The following PCSK2 variants were observed in gnomAD, a reference collection of about 807,000 sequenced individuals.
The protein encoded by PCSK2 is proprotein convertase subtilisin/kexin type 2, also known as neuroendocrine convertase 2.
Under a neutral mutation model 69.7 loss-of-function variants are expected in PCSK2, and 14 were observed. The ratio of observed to expected loss-of-function variants is 0.20; its 90% CI spans 0.13 to 0.31. The LOEUF is 0.31. Ranked by LOEUF, PCSK2 falls within the 10% of genes least tolerant of loss-of-function variation. The probability of loss-of-function intolerance (pLI) is 1.00; values close to 1 mark genes in which losing one functional copy is unlikely to be tolerated. For missense variants in PCSK2, 544 were observed against 842.5 expected (o/e 0.65, Z 4.39); for synonymous variants, 307 against 320.7 (o/e 0.96, Z 0.46).
chr20:17,265,321 C>A (rs1987554962), intron 2 of PCSK2, among the ~76,000 whole-genome samples: 1 of 152,226 alleles, frequency 6.6e-6, no homozygotes, highest in African/African-American at 2.4e-5. Flanking sequence ...GTTTTAGTGC[C>A]TTTTTAAGGG....
At chr20:17,330,861 C>T (rs1164634714) in intron 2 of PCSK2, among the ~76,000 whole-genome samples, 1 of 152,112 alleles carries the variant, frequency 6.6e-6, no homozygotes, top group African/African-American at 2.4e-5. Context: ...GAGAGCACAT[C>T]TTCCTACTCC....
chr20:17,329,530 A>G (rs1377774810), intron 2 of PCSK2, among the ~76,000 whole-genome samples: 1 of 152,244 alleles, frequency 6.6e-6, no homozygotes, highest in Non-Finnish European at 1.5e-5. Context: ...TTTGTCTAAT[A>G]TTTAAACTGA....
At chr20:17,269,584 T>G (rs1297226512) in intron 2 of PCSK2, among the ~76,000 whole-genome samples, 1 of 152,150 alleles carries the variant, frequency 6.6e-6, no homozygotes, top group Non-Finnish European at 1.5e-5. Context: ...CACATGAACT[T>G]ATGAAATTAA....
intron 1 of PCSK2, among the ~76,000 whole-genome samples, chr20:17,259,044 A>G (rs1242078843): frequency 6.6e-6 from 1 of 151,950 alleles, no homozygotes; most frequent in East Asian, 1.9e-4. Context: ...GAAATATTTG[A>G]GCCACACTGA....
intron 2 of PCSK2, among the ~76,000 whole-genome samples, chr20:17,280,032 C>T (rs751550008): frequency 5.3e-5 from 8 of 149,880 alleles, no homozygotes; most frequent in Non-Finnish European, 7.4e-5. Flanking sequence ...AGCTTATATC[C>T]TCCGCAGAAG....
chr20:17,323,886 C>T (rs1001873652), intron 2 of PCSK2, among the ~76,000 whole-genome samples: 1 of 152,238 alleles, frequency 6.6e-6, no homozygotes, highest in Non-Finnish European at 1.5e-5. Context: ...TGATTTCCAA[C>T]TGCCAATACC....
intron 7 of PCSK2, among the ~76,000 whole-genome samples, chr20:17,436,045 G>A (rs922941739): frequency 6.6e-6 from 1 of 152,190 alleles, no homozygotes; most frequent in Non-Finnish European, 1.5e-5. Context: ...TCACTCCCAC[G>A]AGGCATCAGA....
At chr20:17,321,858 CAG>C (rs1989878616) in intron 2 of PCSK2, among the ~76,000 whole-genome samples, 1 of 152,070 alleles carries the variant, frequency 6.6e-6, no homozygotes, top group South Asian at 2.1e-4. Flanking sequence ...TCAGACAAAA[CAG>C]AGAGACAGAA....
chr20:17,354,862 T>C (rs1188346175), intron 2 of PCSK2, among the ~76,000 whole-genome samples: 2 of 151,842 alleles, frequency 1.3e-5, no homozygotes, highest in African/African-American at 4.8e-5. Context: ...CCCAGAACAA[T>C]AAACATGATT....
intron 2 of PCSK2, among the ~76,000 whole-genome samples, chr20:17,310,863 G>A (rs537611417): frequency 2.6e-5 from 4 of 151,818 alleles, no homozygotes; most frequent in South Asian, 2.1e-4. Context: ...TATTACGGGC[G>A]TGGTGGCACA....
chr20:17,421,666 C>T (rs1028147308), intron 6 of PCSK2, among the ~76,000 whole-genome samples: 1 of 152,022 alleles, frequency 6.6e-6, no homozygotes, highest in Non-Finnish European at 1.5e-5. Context: ...TGCACACTGG[C>T]TTGCTGACTA....
chr20:17,452,919 T>C (rs1476259604), intron 8 of PCSK2, among the ~76,000 whole-genome samples: 1 of 152,258 alleles, frequency 6.6e-6, no homozygotes, highest in Non-Finnish European at 1.5e-5. Context: ...TGTAGGGACT[T>C]ATGCAAAGTT....
At chr20:17,452,889 A>C (rs879411614) in intron 8 of PCSK2, among the ~76,000 whole-genome samples, 1 of 152,254 alleles carries the variant, frequency 6.6e-6, no homozygotes, top group African/African-American at 2.4e-5. Flanking sequence ...ACATGGTTTG[A>C]GGAGAAGAGC....
intron 4 of PCSK2, among the ~76,000 whole-genome samples, chr20:17,368,438 C>A (rs899664502): frequency 6.6e-6 from 1 of 152,156 alleles, no homozygotes; most frequent in Non-Finnish European, 1.5e-5. Context: ...ACGTTTGTAA[C>A]CATTATGCTA....
intron 5 of PCSK2, among the ~76,000 whole-genome samples, chr20:17,372,183 T>C (rs1158044230): frequency 6.6e-6 from 1 of 151,930 alleles, no homozygotes; most frequent in Non-Finnish European, 1.5e-5. Flanking sequence ...ATTGAGACCA[T>C]ACTGGCTAAC....
chr20:17,372,344 A>G (rs1001967768), intron 5 of PCSK2, among the ~76,000 whole-genome samples: 9 of 151,858 alleles, frequency 5.9e-5, no homozygotes, highest in Admixed American at 3.9e-4. Flanking sequence ...GCACCACTGC[A>G]CTCCAGCCTG....
At chr20:17,436,940 G>A in intron 8 of PCSK2, 57 bp downstream of exon 8, 6 of 1,456,284 alleles carry the variant, frequency 4.1e-6, no homozygotes, top group Non-Finnish European at 4.6e-6. Flanking sequence ...AAAGTGGGTG[G>A]AGGGGTAGAT....
chr20:17,228,573 C>T (rs1273619493), intron 1 of PCSK2, among the ~76,000 whole-genome samples: 1 of 152,120 alleles, frequency 6.6e-6, no homozygotes, highest in Non-Finnish European at 1.5e-5. Context: ...AGATTTTAGG[C>T]TCCATCTCGC....
chr20:17,395,436 AT>A (rs879843419), intron 5 of PCSK2, among the ~76,000 whole-genome samples: 1 of 152,130 alleles, frequency 6.6e-6, no homozygotes, highest in African/African-American at 2.4e-5. Context: ...TTTACTTTTT[AT>A]CATAAAAATG....
Sources: gnomAD v4.1 joint callset for allele counts (sites outside exome capture counted in the v4.1 genomes callset) on GRCh38, gnomAD v4.1.1 for gene constraint, MANE v1.5 for transcripts, NCBI Gene and HGNC (gene_info 2026-07-23, HGNC 2026-07-21) for gene names.